NRG1: variants seen among roughly 807,000 people sequenced by gnomAD.
The protein encoded by NRG1 is neuregulin 1.
In NRG1, 18 loss-of-function variants were observed where a neutral mutation model predicts 63.8. The ratio of observed to expected loss-of-function variants is 0.28; its 90% CI spans 0.19 to 0.42. The LOEUF is 0.42. NRG1 is among the 10% of genes least tolerant of loss of function. NRG1 has a pLI of 1.00. For missense variants in NRG1, 762 were observed against 814.7 expected (o/e 0.94, Z 0.79); for synonymous variants, 302 against 301.3 (o/e 1.00, Z -0.02).
chr8:31,839,654 A>G (rs1826007915), intron 1 of NRG1, among the ~76,000 whole-genome samples: 1 of 152,210 alleles, frequency 6.6e-6, no homozygotes, highest in African/African-American at 2.4e-5. Flanking sequence ...TTTCAACTGC[A>G]TAAGCCCAAA....
chr8:32,672,791 C>T (rs767622740), intron 5 of NRG1, among the ~76,000 whole-genome samples: 4 of 151,840 alleles, frequency 2.6e-5, no homozygotes, highest in Non-Finnish European at 4.4e-5. Context: ...GTAATAATGG[C>T]CATTGTTGTT....
intron 7 of NRG1, among the ~76,000 whole-genome samples, chr8:32,752,496 G>T (rs1050003287): frequency 1.3e-5 from 2 of 152,144 alleles, no homozygotes; most frequent in Non-Finnish European, 2.9e-5. Context: ...CTTTCTAATT[G>T]TGGCTTCCAC....
At chr8:32,165,902 G>A (rs1839349550) in intron 1 of NRG1, among the ~76,000 whole-genome samples, 2 of 152,126 alleles carry the variant, frequency 1.3e-5, no homozygotes, top group African/African-American at 4.8e-5. Context: ...TGAGCACATA[G>A]GTTTGCAAAC....
At chr8:31,863,056 A>G (rs1369696814) in intron 1 of NRG1, among the ~76,000 whole-genome samples, 1 of 152,166 alleles carries the variant, frequency 6.6e-6, no homozygotes, top group Non-Finnish European at 1.5e-5. Flanking sequence ...GAGCTTAAAC[A>G]TAGGTATCCA....
chr8:31,923,284 C>G (rs989211382), intron 1 of NRG1, among the ~76,000 whole-genome samples: 57 of 151,684 alleles, frequency 3.8e-4, no homozygotes, highest in Admixed American at 3.7e-3. Context: ...TTCCTTTATT[C>G]TTTAATGAGG....
At chr8:32,628,411 G>A (rs996377909) in intron 5 of NRG1, among the ~76,000 whole-genome samples, 1 of 152,026 alleles carries the variant, frequency 6.6e-6, no homozygotes, top group Non-Finnish European at 1.5e-5. Flanking sequence ...TTTGTTCAGA[G>A]TTTCTCCAAG....
intron 1 of NRG1, among the ~76,000 whole-genome samples, chr8:32,537,074 G>T (rs531306007): frequency 6.7e-6 from 1 of 149,448 alleles, no homozygotes; most frequent in Non-Finnish European, 1.5e-5. Context: ...GTGTAGTGGC[G>T]CATGCCAGCT....
chr8:31,968,589 C>T (rs1806763552), intron 1 of NRG1, among the ~76,000 whole-genome samples: 1 of 152,150 alleles, frequency 6.6e-6, no homozygotes. Flanking sequence ...ATATAGTACC[C>T]CTTCAACCAG....
At chr8:31,711,400 T>A (rs1811726700) in intron 1 of NRG1, among the ~76,000 whole-genome samples, 1 of 152,198 alleles carries the variant, frequency 6.6e-6, no homozygotes, top group Non-Finnish European at 1.5e-5. Flanking sequence ...ATACATGTTT[T>A]ATGGTGTTAA....
intron 1 of NRG1, among the ~76,000 whole-genome samples, chr8:32,253,741 A>G (rs1348881554): frequency 6.6e-6 from 1 of 151,980 alleles, no homozygotes; most frequent in Non-Finnish European, 1.5e-5. Flanking sequence ...TTTTTCTGTC[A>G]TTTGGAATGG....
At chr8:32,209,281 T>G (rs955035935) in intron 1 of NRG1, among the ~76,000 whole-genome samples, 4 of 152,092 alleles carry the variant, frequency 2.6e-5, no homozygotes, top group Non-Finnish European at 5.9e-5. Context: ...TTAGTATTAT[T>G]TAATACTAAC....
chr8:31,946,933 AC>A (rs1802636276), intron 1 of NRG1, among the ~76,000 whole-genome samples: 2 of 152,252 alleles, frequency 1.3e-5, no homozygotes, highest in African/African-American at 4.8e-5. Flanking sequence ...TGCACATAGA[AC>A]AAATATGGAT....
chr8:31,765,520 G>T (rs1386874422), intron 1 of NRG1, among the ~76,000 whole-genome samples: 1 of 152,174 alleles, frequency 6.6e-6, no homozygotes, highest in Admixed American at 6.5e-5. Context: ...CTGTGTTTCT[G>T]AGAGTTTTTA....
At chr8:32,062,374 AT>A (rs56680275) in intron 1 of NRG1, among the ~76,000 whole-genome samples, 4,052 of 151,938 alleles carry the variant, frequency 0.027, 185 homozygotes, top group African/African-American at 0.09. Context: ...AGTATATTAA[AT>A]TTTTTTTCAG....
At chr8:32,278,864 G>A (rs1395694877) in intron 1 of NRG1, among the ~76,000 whole-genome samples, 1 of 152,248 alleles carries the variant, frequency 6.6e-6, no homozygotes, top group Admixed American at 6.5e-5. Context: ...GCAGGTGGCA[G>A]CTGACGTCTA....
chr8:32,042,130 G>C (rs1820158641), intron 1 of NRG1, among the ~76,000 whole-genome samples: 1 of 152,038 alleles, frequency 6.6e-6, no homozygotes, highest in Non-Finnish European at 1.5e-5. Context: ...AAAAATAGTT[G>C]ATATTCTCGA....
At position 32,129,361 on chromosome 8, in the gene NRG1, C is replaced by T. The variant is rs78553733; in HGVS notation, c.38-466467C>T. On this transcript the variant is annotated intron_variant, in intron 1 of 10. Coordinates refer to the NRG1 transcript ENST00000519301. ...CCTCTCAGATTCTACACAGAATCTT[C>T]CCTTGCTTCTTTGGTGGCGATCAGT... is the stretch of plus-strand genomic sequence containing the variant. Among the ~76,000 whole-genome samples, 1,505 of 152,030 alleles carry T rather than the reference C, an allele frequency of 9.9e-3. 25 individuals carry two copies. The highest frequency in any genetic ancestry group is 0.035 in the African/African-American group (1,439 of 41,494).
At chr8:32,662,491 G>A (rs1428683595) in intron 5 of NRG1, among the ~76,000 whole-genome samples, 1 of 152,178 alleles carries the variant, frequency 6.6e-6, no homozygotes, top group Non-Finnish European at 1.5e-5. Flanking sequence ...AGAGTTTTGA[G>A]TGACCATGGG....
chr8:32,530,830 G>T (rs911571479), intron 1 of NRG1, among the ~76,000 whole-genome samples: 1 of 152,182 alleles, frequency 6.6e-6, no homozygotes, highest in Non-Finnish European at 1.5e-5. Flanking sequence ...GGTGGCTCAC[G>T]CCTGTAATCC....
Sources: gnomAD v4.1 joint callset for allele counts (sites outside exome capture counted in the v4.1 genomes callset) on GRCh38, gnomAD v4.1.1 for gene constraint, MANE v1.5 for transcripts, NCBI Gene and HGNC (gene_info 2026-07-23, HGNC 2026-07-21) for gene names.